Variants in ARHGEF4 observed in about 807,000 individuals in gnomAD.
The protein encoded by ARHGEF4 is APC-stimulated guanine nucleotide exchange factor 1.
Under a neutral mutation model 162.0 loss-of-function variants are expected in ARHGEF4, and 119 were observed. The observed-to-expected ratio is 0.73, with a 90% CI of 0.63 to 0.86. ARHGEF4 has a LOEUF of 0.86. ARHGEF4 is among the 40% of genes least tolerant of loss of function. The probability of loss-of-function intolerance (pLI) is 0.00; values close to 1 mark genes in which losing one functional copy is unlikely to be tolerated. For missense variants in ARHGEF4, 2,488 were observed against 2,456.0 expected (o/e 1.01, Z -0.28); for synonymous variants, 1,014 against 979.9 (o/e 1.03, Z -0.65).
At chr2:130,881,956 C>G (rs1414093571) in intron 1 of ARHGEF4, among the ~76,000 whole-genome samples, 1 of 152,172 alleles carries the variant, frequency 6.6e-6, no homozygotes, top group East Asian at 1.9e-4. Context: ...CACAGAGCCT[C>G]AGGCAGCGCT....
intron 2 of ARHGEF4, among the ~76,000 whole-genome samples, chr2:130,922,332 T>C (rs2105075602): frequency 6.6e-6 from 1 of 151,566 alleles, no homozygotes; most frequent in East Asian, 2.0e-4. Context: ...GATTGCACCG[T>C]TGCACTCCAG....
At chr2:130,933,229 A>AC (rs1491061069) in intron 3 of ARHGEF4, among the ~76,000 whole-genome samples, 1 of 138,456 alleles carries the variant, frequency 7.2e-6, no homozygotes, top group African/African-American at 2.5e-5. Context: ...AAAAAAAAAA[A>AC]AGTCAAATTA....
intron 4 of ARHGEF4, among the ~76,000 whole-genome samples, chr2:130,961,979 G>A (rs1684649955): frequency 6.6e-6 from 1 of 152,160 alleles, no homozygotes; most frequent in Non-Finnish European, 1.5e-5. Context: ...GGTGGCTCAT[G>A]CCTGTAATCC....
chr2:130,978,817 C>A (rs1685923722), intron 4 of ARHGEF4, among the ~76,000 whole-genome samples: 1 of 151,924 alleles, frequency 6.6e-6, no homozygotes, highest in Non-Finnish European at 1.5e-5. Flanking sequence ...TTTCAAACAA[C>A]AAAAGCCATA....
intron 4 of ARHGEF4, among the ~76,000 whole-genome samples, chr2:130,959,799 C>G (rs1343384850): frequency 6.6e-6 from 1 of 152,172 alleles, no homozygotes; most frequent in Non-Finnish European, 1.5e-5. Flanking sequence ...ATCACTCTGG[C>G]CTTTGGCTTC....
chr2:131,039,409 T>A (rs886133763), intron 6 of ARHGEF4: 20 of 1,045,624 alleles, frequency 1.9e-5, no homozygotes, highest in Non-Finnish European at 2.3e-5. Flanking sequence ...CCTGAAGAAG[T>A]TGAGGCACGG....
intron 5 of ARHGEF4, among the ~76,000 whole-genome samples, chr2:131,030,702 C>T (rs2105374805): frequency 6.6e-6 from 1 of 152,316 alleles, no homozygotes; most frequent in South Asian, 2.1e-4. Flanking sequence ...GAAGGGCAGG[C>T]CTGGGCTTGG....
intron 1 of ARHGEF4, among the ~76,000 whole-genome samples, chr2:130,862,979 C>T (rs1318567328): frequency 2.9e-4 from 16 of 55,444 alleles, no homozygotes; most frequent in Non-Finnish European, 3.2e-4. Context: ...AATCCCAGTA[C>T]TTAGAGAGGC....
At chr2:130,938,692 G>A (rs1248976086) in intron 3 of ARHGEF4, among the ~76,000 whole-genome samples, 1 of 152,024 alleles carries the variant, frequency 6.6e-6, no homozygotes, top group Non-Finnish European at 1.5e-5. Context: ...TCTGTAGCTT[G>A]TTTTTTCATC....
At position 130,926,810 on chromosome 2, in the gene ARHGEF4, A is replaced by ATTTTTTTTTTTTTTTT; in HGVS notation, c.3553-4129_3553-4114dup. 1.0e-3 allele frequency among the ~76,000 whole-genome samples: 49 copies of ATTTTTTTTTTTTTTTT among 48,952 alleles called. 20 individuals are homozygous for ATTTTTTTTTTTTTTTT. The highest frequency in any genetic ancestry group is 4.3e-3 in the East Asian group (5 of 1,154). The allele number at this position is 48,952 out of a possible 152,430, so 32.1% of individuals were successfully genotyped here. On this transcript the variant is annotated intron_variant, in intron 2 of 13. Coordinates refer to ENST00000409359, the MANE Select transcript of ARHGEF4 (RefSeq NM_001367493.1). Reference sequence around the variant, plus strand: ...TAAACCTGAGAGGGACTTCTGGCTGATTTTTTTTTTTTTTTTTTTTTTTTT... The same window carrying ATTTTTTTTTTTTTTTT: ...TAAACCTGAGAGGGACTTCTGGCTGATTTTTTTTTTTTTTTTTTTTTTTTTTTTTTTTTTTTTTTTT...
intron 2 of ARHGEF4, among the ~76,000 whole-genome samples, chr2:130,917,838 T>C (rs1337693790): frequency 1.1e-5 from 1 of 87,832 alleles, no homozygotes; most frequent in Non-Finnish European, 2.4e-5. Context: ...TTTTTTTTTT[T>C]TTGAGACGGA....
At chr2:131,003,291 A>G (rs1285483707) in intron 4 of ARHGEF4, among the ~76,000 whole-genome samples, 1 of 152,212 alleles carries the variant, frequency 6.6e-6, no homozygotes, top group Non-Finnish European at 1.5e-5. Context: ...TTATAAAACA[A>G]TGGCCATTCC....
chr2:130,841,299 C>T (rs910299792), intron 1 of ARHGEF4, among the ~76,000 whole-genome samples: 4 of 151,406 alleles, frequency 2.6e-5, no homozygotes, highest in Admixed American at 6.6e-5. Flanking sequence ...CTCCTGACCT[C>T]GTGATTCGTC....
intron 4 of ARHGEF4, chr2:131,011,828 G>A (rs1295744478): frequency 1.4e-5 from 10 of 735,754 alleles, no homozygotes; most frequent in Non-Finnish European, 1.7e-5. Context: ...ATTGTGCAGA[G>A]GGAAGACCAG....
chr2:130,938,580 T>C (rs915870090), intron 3 of ARHGEF4, among the ~76,000 whole-genome samples: 1 of 152,184 alleles, frequency 6.6e-6, no homozygotes, highest in South Asian at 2.1e-4. Context: ...TTAATGTTGG[T>C]CTTTGAGAGA....
chr2:130,973,749 C>G (rs537657965), intron 4 of ARHGEF4, among the ~76,000 whole-genome samples: 1 of 152,332 alleles, frequency 6.6e-6, no homozygotes, highest in East Asian at 1.9e-4. Context: ...TTCAGCTAAT[C>G]AGCAGTAACA....
Position 130,911,143 on chromosome 2 carries a change from G to A in ARHGEF4, c.40-2843G>A, listed in dbSNP as rs1681158302. 3.9e-5 allele frequency among the ~76,000 whole-genome samples: 6 copies of A among 152,308 alleles called. No homozygotes were observed. In the South Asian group the frequency reaches 1.2e-3, roughly 32 times the overall value. On this transcript the variant is annotated intron_variant, in intron 1 of 13. Transcript: ENST00000409359. ...GAAGCGGTGAGGTCAGGAGGAGGAG[G>A]TGGGATGTGGGGCCTGCCGGTCAAC...
chr2:130,916,615 CTG>C lies in ARHGEF4; in HGVS notation c.2670_2671del (p.Ser892LeufsTer22). 1 of 1,550,616 alleles carries C rather than the reference CTG, an allele frequency of 6.4e-7. No individual in the cohort carries two copies. The highest frequency in any genetic ancestry group is 1.4e-5 in the African/African-American group (1 of 73,196). On this transcript the variant is annotated frameshift_variant, in exon 2 of 14. Transcript: ENST00000409359. LOFTEE classifies it high-confidence loss of function. Reference sequence around the variant, plus strand: ...GATCTTGGTAGCCGAGGGCCTTCCTCTGAGAGCTGCAACGCAAAGAGACTCAA... The same window carrying C: ...GATCTTGGTAGCCGAGGGCCTTCCTCAGAGCTGCAACGCAAAGAGACTCAA...
chr2:130,992,650 G>A (rs1687110399), intron 4 of ARHGEF4, among the ~76,000 whole-genome samples: 1 of 152,140 alleles, frequency 6.6e-6, no homozygotes, highest in African/African-American at 2.4e-5. Context: ...GAGGGTCTGC[G>A]GCTTCATTCT....
Sources: allele counts gnomAD v4.1 joint callset (sites outside exome capture counted in the v4.1 genomes callset), GRCh38; gene constraint gnomAD v4.1.1; transcripts MANE v1.5; gene names NCBI Gene and HGNC (gene_info 2026-07-23, HGNC 2026-07-21).